Variants in AXDND1 observed in about 807,000 individuals in gnomAD.
AXDND1 encodes axonemal dynein light chain domain containing 1, also known as axonemal dynein light chain domain-containing protein 1.
In AXDND1, 110 loss-of-function variants were observed where a neutral mutation model predicts 137.5. The ratio of observed to expected loss-of-function variants is 0.80; its 90% CI spans 0.69 to 0.94. AXDND1 has a LOEUF of 0.94. AXDND1 is among the 40% of genes least tolerant of loss of function. AXDND1 has a pLI of 0.00. For missense variants in AXDND1, 1,191 were observed against 1,169.8 expected, an observed-to-expected ratio of 1.02 and a Z score of -0.26; for synonymous variants, 414 against 399.7, an observed-to-expected ratio of 1.04 and a Z score of -0.43.
In AXDND1 at chr1:179,525,174, T is replaced by C. The variant is rs1670415542; in HGVS notation, c.2497-160T>C. Among the ~76,000 whole-genome samples, 4 of 152,246 alleles carry C rather than the reference T, an allele frequency of 2.6e-5. No homozygotes were observed. In the South Asian group the frequency reaches 8.3e-4, roughly 31 times the overall value. On this transcript the variant is annotated intron_variant, in intron 21 of 25. Transcript: ENST00000367618. The stretch of plus-strand genomic sequence containing the variant: ...CATTGTATTTTCTTGTCCGTGAAAT[T>C]AATAAGTTTCTTAAGGACAGGGACT...
At chr1:179,510,138 T>G (rs764504981) in intron 21 of AXDND1, among the ~76,000 whole-genome samples, 2 of 152,210 alleles carry the variant, frequency 1.3e-5, no homozygotes, top group Admixed American at 1.3e-4. Flanking sequence ...CTTTTCTGCC[T>G]CTTAAATGTT....
rs186568884 is a variant in AXDND1 at position 179,439,755 on chromosome 1, C to T, written c.1564-5215C>T. 2.8e-3 allele frequency among the ~76,000 whole-genome samples: 428 copies of T among 152,280 alleles called. 4 individuals carry two copies. The highest frequency in any genetic ancestry group is 0.017 in the Middle Eastern group (5 of 294). ...TCGTGACCCTTGTCAGCCTTCTCTC[C>T]GTCTTTGCACTCAGGCTCAGCTGGC... On this transcript the variant is annotated intron_variant, in intron 15 of 25. Coordinates refer to ENST00000367618, the MANE Select transcript of AXDND1 (RefSeq NM_144696.6).
chr1:179,511,957 G>T (rs1669102826), intron 21 of AXDND1, among the ~76,000 whole-genome samples: 1 of 152,048 alleles, frequency 6.6e-6, no homozygotes, highest in African/African-American at 2.4e-5. Context: ...TTAGATTCTG[G>T]ATATTAGTCC....
chr1:179,403,575 A>G (rs1652438715), intron 11 of AXDND1, among the ~76,000 whole-genome samples: 1 of 152,076 alleles, frequency 6.6e-6, no homozygotes, highest in African/African-American at 2.4e-5. Context: ...ATTACATTAT[A>G]TGGTACTTTA....
Position 179,468,619 on chromosome 1 carries a change from C to T in AXDND1, c.1975C>T (p.His659Tyr), listed in dbSNP as rs772692611. 1.9e-6 allele frequency: 3 copies of T among 1,604,910 alleles called. No individual in the cohort carries two copies. The highest frequency in any genetic ancestry group is 2.5e-6 in the Non-Finnish European group (3 of 1,177,376). Residue 659 changes from histidine (H) to tyrosine (Y), a missense_variant, in exon 17 of 26, where the codon CAC (histidine) becomes TAC (tyrosine). By Grantham distance (83) the His-to-Tyr change is moderately conservative. Coordinates refer to ENST00000367618, the MANE Select transcript of AXDND1 (RefSeq NM_144696.6). ...AAACCTTACTGGTATTGTTCCACAG[C>T]ACATAGATGTGGATTCTGTTTCGTA... is the stretch of plus-strand genomic sequence containing the variant. Reference protein sequence around the residue: ...LLNLTGIVPQHIDVDSVSVLQ... With the variant: ...LLNLTGIVPQYIDVDSVSVLQ...
Position 179,385,314 on chromosome 1 carries a change from T to G in AXDND1, c.818T>G (p.Val273Gly). The G allele has an allele frequency of 6.2e-7, 1 of 1,613,986 alleles. No individual in the cohort carries two copies. Residue 273 changes from valine (V) to glycine (G), a missense_variant, in exon 9 of 26, where the codon GTC becomes GGC. Coordinates refer to ENST00000367618, the MANE Select transcript of AXDND1 (RefSeq NM_144696.6). ...NMIFHELIRQ[V>G]SVDCADRGEL... ...ATATTTCATGAACTTATTCGACAAG[T>G]CAGTGTGGACTGTGCAGACAGAGGA...
rs186209025 is a variant in AXDND1, at chr1:179,371,550, A to G, written c.374+1472A>G. Among the ~76,000 whole-genome samples, 470 of 152,328 alleles carry G rather than the reference A, an allele frequency of 3.1e-3. 3 individuals are homozygous for G. Among genetic ancestry groups the G allele is most frequent in the African/African-American group, 0.01 (434 of 41,574 alleles). ...AACCCCACGAAAACATTTTCACTGT[A>G]GTCTCAGAACCTGTGAATACATACC... is the stretch of plus-strand genomic sequence containing the variant. On this transcript the variant is annotated intron_variant, in intron 4 of 25. Transcript: ENST00000367618.
intron 12 of AXDND1, among the ~76,000 whole-genome samples, chr1:179,418,797 G>A (rs1418246521): frequency 2.6e-5 from 4 of 151,498 alleles, no homozygotes; most frequent in Non-Finnish European, 5.9e-5. Flanking sequence ...GCTGCTGGAC[G>A]GAGGGGCTCC....
At chr1:179,433,304 A>C (rs1295722784) in intron 15 of AXDND1, among the ~76,000 whole-genome samples, 1 of 151,366 alleles carries the variant, frequency 6.6e-6, no homozygotes, top group Non-Finnish European at 1.5e-5. Flanking sequence ...TAATTTTTTC[A>C]AAAAAAATAG....
intron 17 of AXDND1, among the ~76,000 whole-genome samples, chr1:179,469,481 T>C (rs1163569794): frequency 6.6e-6 from 1 of 152,228 alleles, no homozygotes; most frequent in Non-Finnish European, 1.5e-5. Flanking sequence ...TTCATGTGCA[T>C]GCTTTTTGTG....
At chr1:179,366,826 A>T (rs1304027773) in intron 2 of AXDND1, among the ~76,000 whole-genome samples, 10 of 151,990 alleles carry the variant, frequency 6.6e-5, no homozygotes, top group African/African-American at 2.4e-5. Flanking sequence ...ACTTTTTTTC[A>T]AATGTTGATT....
chr1:179,370,163 A>G, intron 4 of AXDND1, 85 bp downstream of exon 4: 4 of 1,057,574 alleles, frequency 3.8e-6, no homozygotes, highest in Non-Finnish European at 4.2e-6. Flanking sequence ...GGGCAGAATT[A>G]GAAAAATCAC....
At chr1:179,485,703 A>G (rs1347302581) in intron 18 of AXDND1, among the ~76,000 whole-genome samples, 1 of 151,460 alleles carries the variant, frequency 6.6e-6, no homozygotes, top group East Asian at 2.0e-4. Context: ...ACATGACAGA[A>G]ATAGAATTCA....
chr1:179,517,857 C>T (rs748150581), intron 21 of AXDND1, among the ~76,000 whole-genome samples: 4 of 152,190 alleles, frequency 2.6e-5, no homozygotes, highest in East Asian at 1.9e-4. Context: ...TGGGTCCTCT[C>T]GGGATTCCTG....
chr1:179,460,124 T>C (rs1662105714), intron 16 of AXDND1, among the ~76,000 whole-genome samples: 1 of 151,780 alleles, frequency 6.6e-6, no homozygotes, highest in African/African-American at 2.4e-5. Flanking sequence ...ACATGTGCCA[T>C]GTTGGTGTGC....
At chr1:179,387,069 G>T (rs1196690981) in intron 9 of AXDND1, among the ~76,000 whole-genome samples, 2 of 152,052 alleles carry the variant, frequency 1.3e-5, no homozygotes, top group Admixed American at 1.3e-4. Context: ...ACTTTTAGTG[G>T]TTTTGTCTGT....
At chr1:179,466,764 G>A (rs36039316) in intron 16 of AXDND1, among the ~76,000 whole-genome samples, 30,050 of 152,010 alleles carry the variant, frequency 0.2, 3,129 homozygotes, top group Non-Finnish European at 0.23. Flanking sequence ...GACATTGTGT[G>A]TGAAGAGTTT....
intron 16 of AXDND1, among the ~76,000 whole-genome samples, chr1:179,464,596 G>A (rs1489668987): frequency 6.6e-6 from 1 of 151,966 alleles, no homozygotes; most frequent in Non-Finnish European, 1.5e-5. Flanking sequence ...ATGTGTTTTG[G>A]AGTTGCTCTT....
At chr1:179,440,151 G>A (rs1461616385) in intron 15 of AXDND1, among the ~76,000 whole-genome samples, 2 of 152,146 alleles carry the variant, frequency 1.3e-5, no homozygotes, top group African/African-American at 4.8e-5. Flanking sequence ...AACATGCATT[G>A]TAATGTTTGA....
Sources: gnomAD v4.1 joint callset for allele counts (sites outside exome capture counted in the v4.1 genomes callset) on GRCh38, gnomAD v4.1.1 for gene constraint, MANE v1.5 for transcripts, NCBI Gene and HGNC (gene_info 2026-07-23, HGNC 2026-07-21) for gene names.